NEXMIF: variants seen among roughly 807,000 people sequenced by gnomAD.
NEXMIF encodes the protein XLMR protein related to neurite extension.
In NEXMIF, 8 loss-of-function variants were observed where a neutral mutation model predicts 62.1. That is an observed-to-expected ratio of 0.13 (90% CI 0.08 to 0.23). The LOEUF (loss-of-function observed/expected upper bound fraction) is 0.23. Ranked by LOEUF, NEXMIF falls within the 10% of genes least tolerant of loss-of-function variation. The probability of loss-of-function intolerance (pLI) is 1.00; values close to 1 mark genes in which losing one functional copy is unlikely to be tolerated. For missense variants in NEXMIF, 976 were observed against 1,113.3 expected, an observed-to-expected ratio of 0.88 and a Z score of 1.75; for synonymous variants, 404 against 416.6, an observed-to-expected ratio of 0.97 and a Z score of 0.37.
intron 1 of NEXMIF, among the ~76,000 whole-genome samples, chrX:74,858,226 T>A (rs757393452): frequency 3.5e-4 from 39 of 112,499 alleles, no homozygotes; most frequent in African/African-American, 1.3e-3. Flanking sequence ...AGTGCTGTGC[T>A]GGCTTCAGGT....
At chrX:74,867,422 G>C (rs1016060095) in intron 1 of NEXMIF, among the ~76,000 whole-genome samples, 2 of 111,655 alleles carry the variant, frequency 1.8e-5, no homozygotes, top group African/African-American at 3.3e-5. Flanking sequence ...GCATGGTACT[G>C]GTACAAAAAC....
At chrX:74,798,446 C>T (rs911142354) in intron 1 of NEXMIF, among the ~76,000 whole-genome samples, 3 of 111,938 alleles carry the variant, frequency 2.7e-5, no homozygotes, top group Non-Finnish European at 3.8e-5. Flanking sequence ...CTGGCTTTCC[C>T]GTAAAGTTCA....
chrX:74,826,716 T>G (rs1288383668), intron 1 of NEXMIF, among the ~76,000 whole-genome samples: 1 of 111,584 alleles, frequency 9.0e-6, no homozygotes, highest in African/African-American at 3.3e-5. Flanking sequence ...TTTCCCCCTG[T>G]GTTTTTTTCA....
intron 1 of NEXMIF, among the ~76,000 whole-genome samples, chrX:74,850,640 G>T (rs961585875): frequency 2.7e-5 from 3 of 111,297 alleles, no homozygotes; most frequent in Non-Finnish European, 5.7e-5. Context: ...ATCATATAGA[G>T]AATACACTAT....
At position 74,758,694 on chromosome X, in the gene NEXMIF, A is replaced by G. The variant is rs191979318; in HGVS notation, c.-47-12997T>C. Among the ~76,000 whole-genome samples the G allele has an allele frequency of 3.4e-3, 379 of 111,656 alleles. 2 individuals are homozygous for G. The highest frequency in any genetic ancestry group is 0.012 in the African/African-American group (361 of 30,707). On this transcript the variant is annotated intron_variant, in intron 1 of 3. Coordinates refer to ENST00000055682, the MANE Select transcript of NEXMIF (RefSeq NM_001008537.3). The stretch of plus-strand genomic sequence containing the variant: ...TCTGTTCCTGCACTAGATTGCTAAG[A>G]ATAATGGCCTCCAGCTCTGTCCATG...
rs1000721424 is a variant in NEXMIF at position 74,733,822 on chromosome X, A to G, written c.*5583T>C. 5.3e-5 allele frequency: 6 copies of G among 112,662 alleles called. No homozygotes were observed. The highest frequency in any genetic ancestry group is 1.1e-4 in the Non-Finnish European group (6 of 53,271). 9.3% of individuals were successfully genotyped at this position (112,662 alleles called of 1,213,427 possible). A position where few individuals can be genotyped will look rare whatever the true frequency, so the allele number is the denominator to read the frequency against. Reference sequence around the variant, plus strand: ...CATGTTTTGTGTTACAAAATTTCCAACAAAAGTGTATTTTTTTTCTTTGTA... The same window carrying G: ...CATGTTTTGTGTTACAAAATTTCCAGCAAAAGTGTATTTTTTTTCTTTGTA... On this transcript the variant is annotated 3_prime_UTR_variant, in exon 4 of 4. Coordinates refer to ENST00000055682, the MANE Select transcript of NEXMIF (RefSeq NM_001008537.3).
chrX:74,834,301 A>G (rs887107262), intron 1 of NEXMIF, among the ~76,000 whole-genome samples: 2 of 111,315 alleles, frequency 1.8e-5, no homozygotes, highest in African/African-American at 6.5e-5. Flanking sequence ...TGATTGGTTC[A>G]TCATTTCATC....
At chrX:74,914,017 C>T (rs1012478038) in intron 1 of NEXMIF, among the ~76,000 whole-genome samples, 1 of 111,820 alleles carries the variant, frequency 8.9e-6, no homozygotes, top group East Asian at 2.8e-4. Context: ...TTTGCTTCTC[C>T]CATTGGGTTT....
chrX:74,881,423 C>CACACACAG (rs1556037973), intron 1 of NEXMIF, among the ~76,000 whole-genome samples: 1 of 90,680 alleles, frequency 1.1e-5, no homozygotes, highest in African/African-American at 4.0e-5. Flanking sequence ...CACACACACA[C>CACACACAG]AGAGCAAATA....
At chrX:74,764,393 A>C (rs905860485) in intron 1 of NEXMIF, among the ~76,000 whole-genome samples, 1 of 111,462 alleles carries the variant, frequency 9.0e-6, no homozygotes, top group Non-Finnish European at 1.9e-5. Context: ...AGGATTTTTG[A>C]ATCAATGTTC....
intron 1 of NEXMIF, among the ~76,000 whole-genome samples, chrX:74,746,176 A>G (rs1314345125): frequency 8.9e-6 from 1 of 112,287 alleles, no homozygotes; most frequent in African/African-American, 3.2e-5. Flanking sequence ...ATACACACAT[A>G]TACATCATAT....
At chrX:74,776,214 G>T (rs910870137) in intron 1 of NEXMIF, among the ~76,000 whole-genome samples, 2 of 111,655 alleles carry the variant, frequency 1.8e-5, no homozygotes, top group Non-Finnish European at 3.8e-5. Flanking sequence ...TGTCTGATAT[G>T]CATGAACAGG....
intron 1 of NEXMIF, among the ~76,000 whole-genome samples, chrX:74,879,027 T>C (rs1040202866): frequency 1.5e-4 from 17 of 112,375 alleles, no homozygotes; most frequent in African/African-American, 4.8e-4. Context: ...CATTATTTTT[T>C]ATCTTTTTAT....
intron 1 of NEXMIF, among the ~76,000 whole-genome samples, chrX:74,774,064 T>C (rs1323624813): frequency 9.0e-6 from 1 of 110,997 alleles, no homozygotes; most frequent in Non-Finnish European, 1.9e-5. Context: ...GTGTCTTATC[T>C]ATGAACAGCT....
intron 1 of NEXMIF, among the ~76,000 whole-genome samples, chrX:74,884,596 C>G (rs780763282): frequency 8.9e-6 from 1 of 112,135 alleles, no homozygotes; most frequent in Non-Finnish European, 1.9e-5. Context: ...GAAGAACTAA[C>G]TATCCTAAAT....
At chrX:74,747,890 C>T (rs1033593596) in intron 1 of NEXMIF, among the ~76,000 whole-genome samples, 5 of 112,285 alleles carry the variant, frequency 4.5e-5, no homozygotes, top group African/African-American at 1.6e-4. Context: ...TGCTGGATTA[C>T]AGGCATGAGC....
At chrX:74,882,890 G>A (rs982726473) in intron 1 of NEXMIF, among the ~76,000 whole-genome samples, 3 of 111,754 alleles carry the variant, frequency 2.7e-5, no homozygotes, top group African/African-American at 6.5e-5. Flanking sequence ...AATGGGAGGC[G>A]CCCCCTAGTA....
chrX:74,886,390 C>G (rs765049394), intron 1 of NEXMIF, among the ~76,000 whole-genome samples: 2 of 111,703 alleles, frequency 1.8e-5, no homozygotes, highest in East Asian at 2.8e-4. Flanking sequence ...GATTGCATAT[C>G]TGGAAAACCC....
At chrX:74,844,002 C>T (rs756303457) in intron 1 of NEXMIF, among the ~76,000 whole-genome samples, 1 of 111,969 alleles carries the variant, frequency 8.9e-6, no homozygotes, top group African/African-American at 3.2e-5. Context: ...TCAACATTTG[C>T]TTATCTGAAA....
Sources: gnomAD v4.1 joint callset for allele counts (sites outside exome capture counted in the v4.1 genomes callset) on GRCh38, gnomAD v4.1.1 for gene constraint, MANE v1.5 for transcripts, NCBI Gene and HGNC (gene_info 2026-07-23, HGNC 2026-07-21) for gene names.